The following RBM20 variants were observed in gnomAD, a reference collection of about 807,000 sequenced individuals.
The protein encoded by RBM20 is RNA binding motif protein 20.
RBM20 carries 51 observed loss-of-function variants against 110.1 expected under a neutral mutation model. The ratio of observed to expected loss-of-function variants is 0.46; its 90% CI spans 0.37 to 0.59. The LOEUF (loss-of-function observed/expected upper bound fraction) is 0.59. Among genes scored for constraint, RBM20 ranks in the 20% least tolerant of loss-of-function variants. The pLI, the probability that RBM20 is intolerant of heterozygous loss-of-function variation, is 0.00. For synonymous variants in RBM20, 589 were observed against 618.2 expected (o/e 0.95, Z 0.70); for missense variants, 1,512 against 1,574.9 (o/e 0.96, Z 0.68).
At chr10:110,728,855 G>A (rs982891083) in intron 1 of RBM20, among the ~76,000 whole-genome samples, 2 of 152,166 alleles carry the variant, frequency 1.3e-5, no homozygotes, top group African/African-American at 4.8e-5. Context: ...CACCTCCTCT[G>A]CTGACCCGCT....
intron 1 of RBM20, among the ~76,000 whole-genome samples, chr10:110,710,252 C>T (rs1008012656): frequency 3.9e-5 from 6 of 152,174 alleles, no homozygotes; most frequent in Non-Finnish European, 8.8e-5. Flanking sequence ...GCGCAACAAG[C>T]TGGTGGTCAT....
At chr10:110,790,483 A>G (rs1486549246) in intron 5 of RBM20, among the ~76,000 whole-genome samples, 1 of 152,264 alleles carries the variant, frequency 6.6e-6, no homozygotes, top group Admixed American at 6.5e-5. Flanking sequence ...AACATTGTGT[A>G]AACAATCTTA....
rs1355815994 is a variant in RBM20 at position 110,812,316 on chromosome 10, G to T, written c.1919G>T (p.Ser640Ile). 1 of 1,550,760 alleles carries T rather than the reference G, an allele frequency of 6.4e-7. No homozygotes were observed. The highest frequency in any genetic ancestry group is 1.2e-5 in the South Asian group (1 of 84,030). Reference protein sequence around the residue: ...PERPRSRSPVSRSLSPRSHTP... With the variant: ...PERPRSRSPVIRSLSPRSHTP... ...AGGCCGCGGTCTCGTAGTCCGGTGA[G>T]CCGGTCACTCTCCCCGAGGTCCCAC... The change falls in exon 9 of 14, where the codon AGC becomes ATC. Residue 640 changes from serine (S) to isoleucine (I), a missense_variant. Transcript: ENST00000369519.
chr10:110,740,674 C>T (rs544707226), intron 1 of RBM20, among the ~76,000 whole-genome samples: 2 of 152,268 alleles, frequency 1.3e-5, no homozygotes, highest in South Asian at 4.1e-4. Context: ...GGCCCGAGGA[C>T]TCCTTTTTGA....
In RBM20 at chr10:110,661,292, TA is replaced by T. The variant is rs986691211; in HGVS notation, c.191+16649del. The stretch of plus-strand genomic sequence containing the variant: ...TCTGCTCCTGTGGGGTTCTTGGAAG[TA>T]AGACTCTCCCTGGGCACCCGTGACT... On this transcript the variant is annotated intron_variant, in intron 1 of 13. Coordinates refer to ENST00000369519, the MANE Select transcript of RBM20 (RefSeq NM_001134363.3). 1.0e-3 allele frequency among the ~76,000 whole-genome samples: 155 copies of T among 152,288 alleles called. 1 individual carries two copies. The highest frequency in any genetic ancestry group is 3.4e-3 in the African/African-American group (143 of 41,548).
At chr10:110,801,999 A>T (rs977487442) in intron 7 of RBM20, among the ~76,000 whole-genome samples, 4 of 151,744 alleles carry the variant, frequency 2.6e-5, no homozygotes, top group South Asian at 2.1e-4. Context: ...GTGTCTTCTT[A>T]TTGGTTTGCA....
At chr10:110,725,323 C>T (rs73356958) in intron 1 of RBM20, among the ~76,000 whole-genome samples, 32,743 of 152,116 alleles carry the variant, frequency 0.22, 3,790 homozygotes, top group East Asian at 0.32. Context: ...TTTTTATGAA[C>T]ATCCTGAAAC....
At position 110,836,764 on chromosome 10, in the gene RBM20, CAGG is replaced by C. The variant is rs533041524; in HGVS notation, c.*789_*791del. 4.2e-4 allele frequency: 64 copies of C among 152,320 alleles called. No individual in the cohort carries two copies. Among genetic ancestry groups the C allele is most frequent in the African/African-American group, 1.3e-3 (54 of 41,584 alleles). 9.4% of individuals were successfully genotyped at this position (152,320 alleles called of 1,614,324 possible). On this transcript the variant is annotated 3_prime_UTR_variant, in exon 14 of 14. Transcript: ENST00000369519. Reference sequence around the variant, plus strand: ...AAACTTATTCCCCTCCTCTTGATTTCAGGAGATGTCAGGGTTTTTCTATTCTGG... The same window carrying C: ...AAACTTATTCCCCTCCTCTTGATTTCAGATGTCAGGGTTTTTCTATTCTGG...
rs539836762 is a variant in RBM20, at chr10:110,714,917, G to A, written c.192-65884G>A. On this transcript the variant is annotated intron_variant, in intron 1 of 13. Coordinates refer to ENST00000369519, the MANE Select transcript of RBM20 (RefSeq NM_001134363.3). ...AAGGATTGCCTTCCCAAATGATGTT[G>A]ATGAAAATAATATCTGTAATCCAAA... 2.0e-5 allele frequency among the ~76,000 whole-genome samples: 3 copies of A among 152,286 alleles called. No homozygotes were observed. In the South Asian group the frequency reaches 6.2e-4, roughly 32 times the overall value.
intron 1 of RBM20, among the ~76,000 whole-genome samples, chr10:110,666,239 G>A (rs1242483220): frequency 3.3e-5 from 5 of 152,126 alleles, no homozygotes; most frequent in African/African-American, 7.2e-5. Flanking sequence ...GAAAGTTTCC[G>A]TAATAAAAAG....
At chr10:110,788,240 C>G (rs1218063085) in intron 5 of RBM20, among the ~76,000 whole-genome samples, 1 of 152,180 alleles carries the variant, frequency 6.6e-6, no homozygotes, top group East Asian at 1.9e-4. Flanking sequence ...CCACAAGCCG[C>G]TTGGGAGGTT....
At chr10:110,686,556 TC>T (rs1862508004) in intron 1 of RBM20, among the ~76,000 whole-genome samples, 1 of 151,440 alleles carries the variant, frequency 6.6e-6, no homozygotes, top group African/African-American at 2.4e-5. Flanking sequence ...GCCCAGGAGT[TC>T]AAAGGCTGCA....
chr10:110,737,610 G>C (rs1408655518), intron 1 of RBM20, among the ~76,000 whole-genome samples: 1 of 123,204 alleles, frequency 8.1e-6, no homozygotes, highest in Non-Finnish European at 1.6e-5. Context: ...TCTGAAGATA[G>C]ATTAGTTTGC....
At chr10:110,810,262 C>T in intron 7 of RBM20, 121 bp from the exon 8 acceptor site, 1 of 710,458 alleles carries the variant, frequency 1.4e-6, no homozygotes, top group East Asian at 2.8e-5. Flanking sequence ...TTGTCTTCCC[C>T]ACACAAGGTA....
At chr10:110,778,445 G>T (rs1590672322) in intron 1 of RBM20, among the ~76,000 whole-genome samples, 1 of 152,212 alleles carries the variant, frequency 6.6e-6, no homozygotes, top group African/African-American at 2.4e-5. Flanking sequence ...CACTTGCTAT[G>T]TCTCCCTTTT....
chr10:110,757,350 C>A (rs1843934721), intron 1 of RBM20, among the ~76,000 whole-genome samples: 1 of 152,162 alleles, frequency 6.6e-6, no homozygotes, highest in Non-Finnish European at 1.5e-5. Context: ...TATCTTTATA[C>A]TCCCTGAGTG....
At position 110,821,740 on chromosome 10, in the gene RBM20, C is replaced by G; in HGVS notation, c.3121C>G (p.Pro1041Ala). The change falls in exon 11 of 14, where the codon CCT becomes GCT. Residue 1041 changes from proline (P) to alanine (A), a missense_variant. This residue lies in a region of RBM20 where 358 missense variants were observed against 384.2 expected (regional missense o/e 0.93). Transcript: ENST00000369519. ...GGAGAGCTCAGATGTTCATCCAGCC[C>G]CTACAGTCCAGCAAATGTCTTCCCC... ...GVESSDVHPAPTVQQMSSPKP... is the reference protein window; with the variant it reads ...GVESSDVHPAATVQQMSSPKP... The G allele has an allele frequency of 1.3e-6, 2 of 1,551,752 alleles. No homozygotes were observed. Among genetic ancestry groups the G allele is most frequent in the Non-Finnish European group, 1.7e-6 (2 of 1,147,004 alleles).
chr10:110,745,481 T>G (rs1383343889), intron 1 of RBM20, among the ~76,000 whole-genome samples: 1 of 152,240 alleles, frequency 6.6e-6, no homozygotes, highest in Non-Finnish European at 1.5e-5. Flanking sequence ...CACTAGCTTT[T>G]GTGTACCTTC....
At chr10:110,751,537 A>G (rs1179656695) in intron 1 of RBM20, among the ~76,000 whole-genome samples, 1 of 152,230 alleles carries the variant, frequency 6.6e-6, no homozygotes, top group Admixed American at 6.5e-5. Flanking sequence ...GTCTGACAAA[A>G]TTCATAATTA....
Sources: allele counts gnomAD v4.1 joint callset (sites outside exome capture counted in the v4.1 genomes callset), GRCh38; gene constraint gnomAD v4.1.1; regional missense constraint gnomAD v4.1.1; transcripts MANE v1.5; gene names NCBI Gene and HGNC (gene_info 2026-07-23, HGNC 2026-07-21).